COMMD10: variants seen among roughly 807,000 people sequenced by gnomAD.
COMMD10 encodes COMM domain containing 10, also known as COMM domain-containing protein 10.
In COMMD10, 33 loss-of-function variants were observed where a neutral mutation model predicts 28.9. The ratio of observed to expected loss-of-function variants is 1.14; its 90% confidence interval spans 0.87 to 1.53. The LOEUF is 1.53. Ranked by LOEUF, COMMD10 falls within the 40% of genes most tolerant of loss-of-function variation. COMMD10 has a pLI of 0.00. For synonymous variants in COMMD10, 110 were observed against 81.7 expected (o/e 1.35, Z -1.87); for missense variants, 310 against 233.4 (o/e 1.33, Z -2.14).
chr5:116,228,618 C>G (rs1171731660), intron 5 of COMMD10, among the ~76,000 whole-genome samples: 1 of 151,844 alleles, frequency 6.6e-6, no homozygotes, highest in Non-Finnish European at 1.5e-5. Context: ...TATGGTCCTG[C>G]TGTGATTTTT....
At chr5:116,166,729 C>G (rs1224272406) in intron 5 of COMMD10, among the ~76,000 whole-genome samples, 1 of 152,110 alleles carries the variant, frequency 6.6e-6, no homozygotes, top group East Asian at 1.9e-4. Flanking sequence ...CCAGCAAACT[C>G]CAGCAGACTT....
intron 4 of COMMD10, among the ~76,000 whole-genome samples, chr5:116,114,023 C>CTTT (rs1751148131): frequency 6.6e-6 from 1 of 151,884 alleles, no homozygotes; most frequent in African/African-American, 2.4e-5. Flanking sequence ...TTGGTGAATA[C>CTTT]TTTATGATAT....
Position 116,091,105 on chromosome 5 carries a change from G to T in COMMD10, c.159G>T (p.Glu53Asp), listed in dbSNP as rs916044760. Residue 53 changes from glutamate to aspartate, a missense_variant, in exon 3 of 7, where the codon GAG (glutamate) becomes GAT (aspartate). Transcript: ENST00000274458. ...LKAESSFSEE[E>D]EEKLQAAFSL... Reference sequence around the variant, plus strand: ...CTGAGAGCAGTTTCAGTGAAGAAGAGGAAGAAAAACTTCAAGCGGCATTTT... The same window carrying T: ...CTGAGAGCAGTTTCAGTGAAGAAGATGAAGAAAAACTTCAAGCGGCATTTT... 1.2e-6 allele frequency: 2 copies of T among 1,610,352 alleles called. No homozygotes were observed. Among genetic ancestry groups the T allele is most frequent in the African/African-American group, 2.7e-5 (2 of 74,772 alleles).
intron 5 of COMMD10, among the ~76,000 whole-genome samples, chr5:116,135,855 C>G (rs1006328771): frequency 6.6e-6 from 1 of 152,128 alleles, no homozygotes; most frequent in Non-Finnish European, 1.5e-5. Flanking sequence ...ACTGTGTGCT[C>G]TGCAGTTTAG....
At chr5:116,237,450 A>G (rs1027330619) in intron 5 of COMMD10, among the ~76,000 whole-genome samples, 3 of 150,298 alleles carry the variant, frequency 2.0e-5, no homozygotes, top group Admixed American at 1.3e-4. Context: ...TAGTTCTATC[A>G]TAAGTTCATA....
At chr5:116,160,566 C>A (rs1249812378) in intron 5 of COMMD10, among the ~76,000 whole-genome samples, 2 of 152,152 alleles carry the variant, frequency 1.3e-5, no homozygotes, top group Non-Finnish European at 2.9e-5. Context: ...GGTTTGATTG[C>A]ATCAGATCTA....
chr5:116,091,404 A>G (rs990207674), intron 3 of COMMD10, among the ~76,000 whole-genome samples: 17 of 152,214 alleles, frequency 1.1e-4, no homozygotes, highest in African/African-American at 4.1e-4. Flanking sequence ...CAGTTATACA[A>G]GATTTTAATT....
chr5:116,195,996 C>G (rs145784255), intron 5 of COMMD10, among the ~76,000 whole-genome samples: 2 of 152,136 alleles, frequency 1.3e-5, no homozygotes, highest in African/African-American at 2.4e-5. Context: ...GGAATGTAAA[C>G]TAGTACAGCC....
At chr5:116,104,593 A>G (rs1750774416) in intron 4 of COMMD10, among the ~76,000 whole-genome samples, 1 of 151,868 alleles carries the variant, frequency 6.6e-6, no homozygotes, top group African/African-American at 2.4e-5. Flanking sequence ...ATCTGTAAAC[A>G]CAGACAATTT....
intron 4 of COMMD10, among the ~76,000 whole-genome samples, chr5:116,120,706 T>A (rs571822131): frequency 6.6e-6 from 1 of 151,692 alleles, no homozygotes; most frequent in Admixed American, 6.6e-5. Flanking sequence ...ATACACTGAT[T>A]ATAATGATTT....
chr5:116,136,847 G>A (rs2063253), intron 5 of COMMD10, among the ~76,000 whole-genome samples: 2 of 151,916 alleles, frequency 1.3e-5, no homozygotes, highest in Admixed American at 1.3e-4. Flanking sequence ...AAGAAGAGGA[G>A]AAGCACACAT....
At chr5:116,085,334 T>C (rs1282582273) in intron 1 of COMMD10, 1 of 519,938 alleles carries the variant, frequency 1.9e-6, no homozygotes, top group African/African-American at 2.0e-5. Flanking sequence ...AGCTGAGGTC[T>C]GTACGGAAGC....
chr5:116,261,360 A>G (rs186498770), intron 5 of COMMD10, among the ~76,000 whole-genome samples: 37 of 151,812 alleles, frequency 2.4e-4, no homozygotes, highest in South Asian at 8.3e-4. Context: ...GCCTAGCGTA[A>G]TGACTGAGTT....
At chr5:116,223,370 A>C (rs560634751) in intron 5 of COMMD10, among the ~76,000 whole-genome samples, 1 of 151,974 alleles carries the variant, frequency 6.6e-6, no homozygotes, top group Non-Finnish European at 1.5e-5. Flanking sequence ...AAAAAAAAAT[A>C]GTAAGGATAT....
intron 5 of COMMD10, among the ~76,000 whole-genome samples, chr5:116,167,053 G>A (rs1301920577): frequency 1.3e-5 from 2 of 151,898 alleles, no homozygotes; most frequent in Non-Finnish European, 2.9e-5. Flanking sequence ...AAACTTCTCC[G>A]AGCTAAAGGA....
chr5:116,088,865 C>G (rs996678035), intron 2 of COMMD10, among the ~76,000 whole-genome samples: 3 of 152,174 alleles, frequency 2.0e-5, no homozygotes, highest in Non-Finnish European at 4.4e-5. Context: ...AATCCCCAAA[C>G]CTATTAATGT....
At chr5:116,248,913 T>G (rs771817504) in intron 5 of COMMD10, among the ~76,000 whole-genome samples, 2 of 151,996 alleles carry the variant, frequency 1.3e-5, no homozygotes, top group Non-Finnish European at 2.9e-5. Context: ...TTTAAGTTAC[T>G]GACATCTTGT....
chr5:116,114,716 G>C (rs989155912), intron 4 of COMMD10, among the ~76,000 whole-genome samples: 1 of 152,202 alleles, frequency 6.6e-6, no homozygotes, highest in Non-Finnish European at 1.5e-5. Context: ...ACTGGTCCCA[G>C]TGGTTTCAGC....
intron 5 of COMMD10, among the ~76,000 whole-genome samples, chr5:116,203,224 G>A (rs1561665544): frequency 6.6e-6 from 1 of 152,114 alleles, no homozygotes; most frequent in African/African-American, 2.4e-5. Flanking sequence ...AAACCTCCAA[G>A]AAATATGGGA....
Sources: allele counts gnomAD v4.1 joint callset (sites outside exome capture counted in the v4.1 genomes callset), GRCh38; gene constraint gnomAD v4.1.1; transcripts MANE v1.5; gene names NCBI Gene and HGNC (gene_info 2026-07-23, HGNC 2026-07-21).